The following ATF7IP2 variants were observed in gnomAD, a reference collection of about 807,000 sequenced individuals.
ATF7IP2 encodes the protein activating transcription factor 7-interacting protein 2.
Under a neutral mutation model 64.2 loss-of-function variants are expected in ATF7IP2, and 42 were observed. The ratio of observed to expected loss-of-function variants is 0.65; its 90% CI spans 0.51 to 0.85. The LOEUF (loss-of-function observed/expected upper bound fraction) is 0.85, where lower values mean the gene tolerates loss of function less well. Ranked by LOEUF, ATF7IP2 falls within the 40% of genes least tolerant of loss-of-function variation. The probability of loss-of-function intolerance (pLI) is 0.00; values close to 1 mark genes in which losing one functional copy is unlikely to be tolerated. For synonymous variants in ATF7IP2, 308 were observed against 272.8 expected (o/e 1.13, Z -1.27); for missense variants, 933 against 784.2 (o/e 1.19, Z -2.27).
intron 8 of ATF7IP2, among the ~76,000 whole-genome samples, chr16:10,453,743 G>A (rs371186590): frequency 4.6e-5 from 7 of 152,114 alleles, no homozygotes; most frequent in East Asian, 3.9e-4. Flanking sequence ...TCAGCCTCCC[G>A]AGTAGCTGGG....
chr16:10,421,458 G>A (rs73497803), intron 3 of ATF7IP2, among the ~76,000 whole-genome samples: 2,056 of 152,276 alleles, frequency 0.014, 47 homozygotes, highest in African/African-American at 0.047. Flanking sequence ...GCATAGGTAG[G>A]AATGCCTACA....
chr16:10,429,977 C>G (rs952844709), intron 4 of ATF7IP2, among the ~76,000 whole-genome samples: 1 of 151,772 alleles, frequency 6.6e-6, no homozygotes, highest in Admixed American at 6.6e-5. Flanking sequence ...TTCAGCCTGC[C>G]GAGTAGCTTG....
intron 12 of ATF7IP2, among the ~76,000 whole-genome samples, chr16:10,475,158 G>C (rs1023470125): frequency 6.6e-6 from 1 of 152,170 alleles, no homozygotes; most frequent in Non-Finnish European, 1.5e-5. Context: ...TCTACACAAA[G>C]AATAAAACTA....
At chr16:10,471,550 T>TAA (rs895518694) in intron 9 of ATF7IP2, among the ~76,000 whole-genome samples, 1 of 150,034 alleles carries the variant, frequency 6.7e-6, no homozygotes, top group African/African-American at 2.4e-5. Context: ...AAGTCGCTCA[T>TAA]AAAAAAAAAG....
chr16:10,399,044 C>G (rs1048974010), intron 1 of ATF7IP2, among the ~76,000 whole-genome samples: 1 of 151,910 alleles, frequency 6.6e-6, no homozygotes, highest in African/African-American at 2.4e-5. Context: ...ACCCGTGAGG[C>G]GGAGTTTGCA....
chr16:10,407,381 G>C (rs1297276736), intron 1 of ATF7IP2, among the ~76,000 whole-genome samples: 1 of 152,154 alleles, frequency 6.6e-6, no homozygotes, highest in African/African-American at 2.4e-5. Flanking sequence ...ATAAGTCCTA[G>C]CTAGGCGAAT....
In ATF7IP2 at chr16:10,430,932, T is replaced by C. The variant is rs1596489397; in HGVS notation, c.312T>C (p.His104=). The C allele has an allele frequency of 6.2e-7, 1 of 1,614,020 alleles. No homozygotes were observed. Among genetic ancestry groups the C allele is most frequent in the Non-Finnish European group, 8.5e-7 (1 of 1,180,026 alleles). The change falls in exon 5 of 14, where the codon CAT becomes CAC. Residue 104 remains histidine (H), a synonymous_variant. Coordinates refer to ENST00000562102, the MANE Select transcript of ATF7IP2 (RefSeq NM_001393719.1). ...TAAAACCAGTAGAAGAAATTGTTCA[T>C]TCAGAAACAAAATTGGAACAAGTTG... ...NCIKPVEEIV[H]SETKLEQVVC...
chr16:10,415,109 C>T (rs2047845433), intron 2 of ATF7IP2, among the ~76,000 whole-genome samples: 1 of 152,126 alleles, frequency 6.6e-6, no homozygotes, highest in South Asian at 2.1e-4. Context: ...ACATTCTTCA[C>T]AGAAATAGAG....
chr16:10,406,607 G>T (rs1007946082), intron 1 of ATF7IP2, among the ~76,000 whole-genome samples: 2 of 152,120 alleles, frequency 1.3e-5, no homozygotes, highest in Non-Finnish European at 2.9e-5. Flanking sequence ...GAAATTCGAA[G>T]CATCCTTTGT....
chr16:10,481,640 G>A (rs2050233372), intron 13 of ATF7IP2, among the ~76,000 whole-genome samples, 196 bp from the exon 14 acceptor site: 1 of 152,038 alleles, frequency 6.6e-6, no homozygotes, highest in Non-Finnish European at 1.5e-5. Flanking sequence ...AACCCATTCT[G>A]GATTATTGAT....
chr16:10,444,329 G>C (rs2048731256), intron 8 of ATF7IP2, among the ~76,000 whole-genome samples: 1 of 152,198 alleles, frequency 6.6e-6, no homozygotes, highest in East Asian at 1.9e-4. Flanking sequence ...TGAGTGTGAT[G>C]GGTCTACCCT....
At chr16:10,473,303 A>AT (rs1214949183) in intron 10 of ATF7IP2, among the ~76,000 whole-genome samples, 176 bp from the exon 11 acceptor site, 3 of 152,178 alleles carry the variant, frequency 2.0e-5, no homozygotes, top group East Asian at 1.9e-4. Flanking sequence ...CCAAAATTAC[A>AT]TTTTTTTAAA....
chr16:10,438,619 G>A (rs1025894341), intron 7 of ATF7IP2, among the ~76,000 whole-genome samples: 3 of 152,064 alleles, frequency 2.0e-5, no homozygotes, highest in African/African-American at 7.2e-5. Flanking sequence ...AAACAATAAG[G>A]GAAGACATAC....
At chr16:10,465,738 C>G (rs1430259156) in intron 9 of ATF7IP2, among the ~76,000 whole-genome samples, 1 of 148,640 alleles carries the variant, frequency 6.7e-6, no homozygotes, top group Non-Finnish European at 1.5e-5. Flanking sequence ...GACTCCGGCC[C>G]AAAAACAAAA....
At chr16:10,467,194 T>C (rs1044245788) in intron 9 of ATF7IP2, among the ~76,000 whole-genome samples, 11 of 152,184 alleles carry the variant, frequency 7.2e-5, no homozygotes, top group African/African-American at 2.4e-4. Context: ...TCTGAAAGCT[T>C]AGACTGTTTG....
chr16:10,472,677 G>A (rs1187586400), intron 10 of ATF7IP2, among the ~76,000 whole-genome samples: 1 of 151,992 alleles, frequency 6.6e-6, no homozygotes, highest in East Asian at 1.9e-4. Flanking sequence ...CCAACAAAAT[G>A]AAACCCCATC....
At chr16:10,465,797 A>G (rs866967384) in intron 9 of ATF7IP2, among the ~76,000 whole-genome samples, 1 of 151,904 alleles carries the variant, frequency 6.6e-6, no homozygotes, top group African/African-American at 2.4e-5. Context: ...TGAAAGTTTC[A>G]TATCATTACA....
At chr16:10,401,907 A>G (rs555182667) in intron 1 of ATF7IP2, among the ~76,000 whole-genome samples, 1 of 152,014 alleles carries the variant, frequency 6.6e-6, no homozygotes, top group African/African-American at 2.4e-5. Context: ...ATAGTTGTTC[A>G]TAATAGTCTC....
chr16:10,409,033 C>T lies in ATF7IP2; in HGVS notation c.-241-5541C>T, dbSNP rs185202982. Among the ~76,000 whole-genome samples, 351 of 152,314 alleles carry T rather than the reference C, an allele frequency of 2.3e-3. 2 individuals are homozygous for T. The highest frequency in any genetic ancestry group is 8.1e-3 in the African/African-American group (338 of 41,562). ...AGAAGGGTGCTGCTCATGTCATTCACGATCACAAGAGCACACTGAACAAAG... is the reference window on the plus strand; with the variant it reads ...AGAAGGGTGCTGCTCATGTCATTCATGATCACAAGAGCACACTGAACAAAG... On this transcript the variant is annotated intron_variant, in intron 1 of 13. Transcript: ENST00000562102.
Sources: allele counts gnomAD v4.1 joint callset (sites outside exome capture counted in the v4.1 genomes callset), GRCh38; gene constraint gnomAD v4.1.1; transcripts MANE v1.5; gene names NCBI Gene and HGNC (gene_info 2026-07-23, HGNC 2026-07-21).